The following GLI3 variants were observed in gnomAD, a reference collection of about 807,000 sequenced individuals.
GLI3 encodes the protein transcription activator GLI3.
GLI3 carries 20 observed loss-of-function variants against 100.8 expected under a neutral mutation model. The observed-to-expected ratio is 0.20, with a 90% CI of 0.14 to 0.29. GLI3 has a LOEUF of 0.29. Among genes scored for constraint, GLI3 ranks in the 10% least tolerant of loss-of-function variants. GLI3 has a pLI of 1.00. For synonymous variants in GLI3, 938 were observed against 860.5 expected, an observed-to-expected ratio of 1.09 and a Z score of -1.58; for missense variants, 2,040 against 2,128.5, an observed-to-expected ratio of 0.96 and a Z score of 0.82.
At chr7:42,207,273 T>C (rs1433963686) in intron 2 of GLI3, among the ~76,000 whole-genome samples, 1 of 152,230 alleles carries the variant, frequency 6.6e-6, no homozygotes, top group Non-Finnish European at 1.5e-5. Flanking sequence ...CCATCAGCAG[T>C]AGCGTGGATC....
intron 12 of GLI3, among the ~76,000 whole-genome samples, chr7:41,973,821 G>A (rs1476840054): frequency 6.6e-6 from 1 of 152,188 alleles, no homozygotes; most frequent in African/African-American, 2.4e-5. Context: ...TCCTGAAACT[G>A]AGAGGTTTCA....
intron 3 of GLI3, among the ~76,000 whole-genome samples, chr7:42,101,665 T>A (rs1246774731): frequency 1.6e-5 from 2 of 125,342 alleles, no homozygotes; most frequent in African/African-American, 7.7e-5. Context: ...TTTGCTAGTA[T>A]CTTTTTATTT....
intron 11 of GLI3, chr7:41,977,932 A>G: frequency 1.7e-6 from 1 of 585,252 alleles, no homozygotes; most frequent in Non-Finnish European, 3.0e-6. Flanking sequence ...TGCCAGTAAA[A>G]GTCCTGAAGT....
At chr7:42,236,417 G>T (rs1200154427) in intron 1 of GLI3, among the ~76,000 whole-genome samples, 1 of 152,200 alleles carries the variant, frequency 6.6e-6, no homozygotes, top group Non-Finnish European at 1.5e-5. Context: ...ACGAAGGCGC[G>T]CCTCTCTCCA....
At chr7:42,078,470 A>G (rs2128752307) in intron 3 of GLI3, among the ~76,000 whole-genome samples, 1 of 152,270 alleles carries the variant, frequency 6.6e-6, no homozygotes, top group South Asian at 2.1e-4. Flanking sequence ...CCAGGGAAGG[A>G]CCCGAGGCTG....
chr7:42,085,538 T>A (rs1785086390), intron 3 of GLI3, among the ~76,000 whole-genome samples: 2 of 152,142 alleles, frequency 1.3e-5, no homozygotes. Context: ...AAGGGAAAAT[T>A]TTATTATCCA....
rs1272794917 is a variant in GLI3 at position 41,968,724 on chromosome 7, GA to G, written c.2104-802del. ...AAGAAAGAAAGAAAGAAGAAAGAAA[GA>G]AAGAAAGAAAGAAAGAAAGAAAGAA... On this transcript the variant is annotated intron_variant, in intron 13 of 14. Coordinates refer to ENST00000395925, the MANE Select transcript of GLI3 (RefSeq NM_000168.6). Among the ~76,000 whole-genome samples the G allele has an allele frequency of 9.6e-3, 993 of 103,720 alleles. 22 individuals carry two copies. Among genetic ancestry groups the G allele is most frequent in the African/African-American group, 0.014 (287 of 20,630 alleles). 68.0% of individuals were successfully genotyped at this position (103,720 alleles called of 152,430 possible).
chr7:42,121,175 C>A (rs762648467), intron 3 of GLI3, among the ~76,000 whole-genome samples: 2 of 152,188 alleles, frequency 1.3e-5, no homozygotes, highest in Non-Finnish European at 2.9e-5. Flanking sequence ...TAATGACAGA[C>A]CCAAATTGTT....
chr7:41,971,356 G>A (rs1583740163), intron 13 of GLI3, among the ~76,000 whole-genome samples: 1 of 152,210 alleles, frequency 6.6e-6, no homozygotes, highest in Non-Finnish European at 1.5e-5. Context: ...GAGAGTGACA[G>A]CCCAGAACCC....
At chr7:42,159,504 T>C (rs1235607670) in intron 2 of GLI3, among the ~76,000 whole-genome samples, 2 of 152,212 alleles carry the variant, frequency 1.3e-5, no homozygotes, top group African/African-American at 2.4e-5. Context: ...TATCGAATTA[T>C]AGCAAATTTA....
chr7:41,973,712 G>A (rs1481105498), intron 12 of GLI3, among the ~76,000 whole-genome samples: 1 of 152,186 alleles, frequency 6.6e-6, no homozygotes, highest in Non-Finnish European at 1.5e-5. Context: ...GCCGTGTCTT[G>A]TAGAATGTAT....
chr7:42,051,630 A>T (rs1784354518), intron 4 of GLI3, among the ~76,000 whole-genome samples: 1 of 152,212 alleles, frequency 6.6e-6, no homozygotes, highest in African/African-American at 2.4e-5. Flanking sequence ...CAAATGCAAC[A>T]TACTGTGTGA....
intron 10 of GLI3, among the ~76,000 whole-genome samples, chr7:42,008,327 C>T (rs969775088): frequency 2.6e-5 from 4 of 152,222 alleles, no homozygotes; most frequent in African/African-American, 9.6e-5. Flanking sequence ...ACATTGAGGA[C>T]AAGCTGGATG....
Position 41,966,402 on chromosome 7 carries a change from C to A in GLI3, c.2671G>T (p.Val891Leu). The change falls in exon 15 of 15, where the codon GTG becomes TTG. Residue 891 changes from valine (V) to leucine (L), a missense_variant. Val to Leu is a conservative substitution (Grantham distance 32, BLOSUM62 1). Around this residue, in one of 5 missense-constraint regions of GLI3, gnomAD observed 327 missense variants for 338.7 expected, o/e 0.97. Coordinates refer to ENST00000395925, the MANE Select transcript of GLI3 (RefSeq NM_000168.6). The surrounding 1 kb of genome is among the most constrained non-coding windows in gnomAD (Gnocchi z 5.8). ...GAGATGGGGTCGTAGGAGTCGGCCA[C>A]GCTCACGTTCTGCGGCCGGCCCTCG... ...QAEGRPQNVSVADSYDPISTD... is the reference protein window; with the variant it reads ...QAEGRPQNVSLADSYDPISTD... The A allele has an allele frequency of 6.2e-7, 1 of 1,610,964 alleles. No individual in the cohort carries two copies. The highest frequency in any genetic ancestry group is 8.5e-7 in the Non-Finnish European group (1 of 1,179,376).
In GLI3 at chr7:41,978,792, C is replaced by T. The variant is rs17707162; in HGVS notation, c.1498-44G>A. The T allele has an allele frequency of 0.085, 134,652 of 1,577,504 alleles. 6,287 individuals are homozygous for T. The highest frequency in any genetic ancestry group is 0.12 in the African/African-American group (8,698 of 74,312). On this transcript the variant is annotated intron_variant, in intron 10 of 14. Transcript: ENST00000395925. ...GAGAGAAATCAAATGGAAACGTATT[C>T]ATCATTTCTGAAGGCGACAGAAGAA...
intron 11 of GLI3, chr7:41,977,994 C>T (rs1260835132): frequency 6.0e-6 from 3 of 503,898 alleles, no homozygotes; most frequent in African/African-American, 1.9e-5. Context: ...ATTATCTGCT[C>T]ATTGATCTCC....
chr7:42,194,862 G>C (rs1787896957), intron 2 of GLI3, among the ~76,000 whole-genome samples: 1 of 148,174 alleles, frequency 6.7e-6, no homozygotes. Flanking sequence ...TGTCTCCCAG[G>C]TTCAAGCGAT....
At chr7:42,065,215 TATTA>T (rs1053099106) in intron 4 of GLI3, among the ~76,000 whole-genome samples, 2 of 148,568 alleles carry the variant, frequency 1.3e-5, no homozygotes, top group African/African-American at 4.9e-5. Flanking sequence ...ATTATTTTAA[TATTA>T]ATTAAATATT....
At chr7:41,984,353 G>A (rs957784022) in intron 10 of GLI3, among the ~76,000 whole-genome samples, 3 of 152,090 alleles carry the variant, frequency 2.0e-5, no homozygotes, top group Non-Finnish European at 4.4e-5. Flanking sequence ...AAATAAAGCC[G>A]CCGTTCACGC....
Sources: gnomAD v4.1 joint callset for allele counts (sites outside exome capture counted in the v4.1 genomes callset) on GRCh38, gnomAD v4.1.1 for gene constraint, gnomAD v4.1.1 regional missense constraint, Gnocchi (gnomAD v3.1) non-coding constraint, MANE v1.5 for transcripts, NCBI Gene and HGNC (gene_info 2026-07-23, HGNC 2026-07-21) for gene names.